SERPINI1: variants seen among roughly 807,000 people sequenced by gnomAD.
The protein encoded by SERPINI1 is neuroserpin.
Under a neutral mutation model 41.1 loss-of-function variants are expected in SERPINI1, and 19 were observed. The ratio of observed to expected loss-of-function variants is 0.46; its 90% confidence interval spans 0.32 to 0.68. The LOEUF is 0.68. Among genes scored for constraint, SERPINI1 ranks in the 30% least tolerant of loss-of-function variants. SERPINI1 has a pLI of 0.03. For missense variants in SERPINI1, 460 were observed against 479.2 expected, an observed-to-expected ratio of 0.96 and a Z score of 0.37; for synonymous variants, 138 against 156.6, an observed-to-expected ratio of 0.88 and a Z score of 0.89.
At chr3:167,749,650 C>A (rs1577398704) in intron 1 of SERPINI1, among the ~76,000 whole-genome samples, 1 of 152,280 alleles carries the variant, frequency 6.6e-6, no homozygotes, top group South Asian at 2.1e-4. Flanking sequence ...TCCACTGTAA[C>A]ACACCTTAGA....
At chr3:167,818,732 G>A (rs9882693) in intron 6 of SERPINI1, among the ~76,000 whole-genome samples, 46,117 of 151,972 alleles carry the variant, frequency 0.3, 8,888 homozygotes, top group African/African-American at 0.55. Context: ...GGGCAAGTGC[G>A]AACAGGCAAT....
At chr3:167,816,030 T>C (rs914615868) in intron 6 of SERPINI1, among the ~76,000 whole-genome samples, 8 of 152,182 alleles carry the variant, frequency 5.3e-5, no homozygotes, top group African/African-American at 1.9e-4. Context: ...TTTTATTTAT[T>C]ACAAGAATAA....
intron 1 of SERPINI1, among the ~76,000 whole-genome samples, chr3:167,744,592 A>T (rs1725786194): frequency 1.4e-5 from 2 of 142,806 alleles, no homozygotes; most frequent in East Asian, 3.9e-4. Flanking sequence ...TATTTTAACT[A>T]TATTGTTATT....
chr3:167,817,001 G>T (rs921419980), intron 6 of SERPINI1, among the ~76,000 whole-genome samples: 2 of 152,016 alleles, frequency 1.3e-5, no homozygotes, highest in Non-Finnish European at 2.9e-5. Context: ...TACTGAGCAG[G>T]TATGGAGGTT....
chr3:167,821,327 C>T (rs572483169), intron 6 of SERPINI1, among the ~76,000 whole-genome samples: 3 of 152,282 alleles, frequency 2.0e-5, no homozygotes, highest in African/African-American at 4.8e-5. Context: ...TAGTAGCTCC[C>T]GAGCCAGGGC....
chr3:167,816,417 G>C (rs1462505768), intron 6 of SERPINI1, among the ~76,000 whole-genome samples: 2 of 152,160 alleles, frequency 1.3e-5, no homozygotes, highest in Non-Finnish European at 2.9e-5. Flanking sequence ...AGATGACACT[G>C]AAAGACTTTA....
chr3:167,824,989 G>A (rs1712465848), intron 8 of SERPINI1, among the ~76,000 whole-genome samples: 1 of 151,988 alleles, frequency 6.6e-6, no homozygotes, highest in Non-Finnish European at 1.5e-5. Flanking sequence ...CACAGTTACA[G>A]TAAGCTCTGA....
At chr3:167,784,608 A>C (rs13095746) in intron 1 of SERPINI1, among the ~76,000 whole-genome samples, 19,200 of 152,162 alleles carry the variant, frequency 0.13, 1,455 homozygotes, top group African/African-American at 0.21. Context: ...GAAGCAGGCA[A>C]CTTCTTCACA....
chr3:167,760,348 A>AATATATATATATAT (rs35053492), intron 1 of SERPINI1, among the ~76,000 whole-genome samples: 27 of 147,514 alleles, frequency 1.8e-4, no homozygotes, highest in African/African-American at 6.5e-4. Context: ...ACTAATTTCA[A>AATATATATATATAT]ATATATATAT....
intron 1 of SERPINI1, among the ~76,000 whole-genome samples, chr3:167,740,383 A>G (rs1341106818): frequency 6.6e-6 from 1 of 152,186 alleles, no homozygotes. Context: ...AACTTAGTTC[A>G]TACTATCTTT....
At chr3:167,751,432 A>G (rs1055828999) in intron 1 of SERPINI1, among the ~76,000 whole-genome samples, 2 of 152,232 alleles carry the variant, frequency 1.3e-5, no homozygotes, top group African/African-American at 2.4e-5. Flanking sequence ...CTGTATCAGA[A>G]TAGTTTTTCA....
chr3:167,772,217 A>G (rs891462943), intron 1 of SERPINI1, among the ~76,000 whole-genome samples: 4 of 152,194 alleles, frequency 2.6e-5, no homozygotes, highest in Non-Finnish European at 5.9e-5. Context: ...CTATGAATGA[A>G]TGATCCTTGG....
chr3:167,772,598 G>A (rs1344946339), intron 1 of SERPINI1, among the ~76,000 whole-genome samples: 1 of 151,808 alleles, frequency 6.6e-6, no homozygotes, highest in Non-Finnish European at 1.5e-5. Context: ...CTAATTGTCT[G>A]TATTTTTAAA....
intron 1 of SERPINI1, among the ~76,000 whole-genome samples, chr3:167,765,932 C>G (rs1726553582): frequency 6.6e-6 from 1 of 152,100 alleles, no homozygotes; most frequent in African/African-American, 2.4e-5. Context: ...TCCCAATAAG[C>G]TCATCTCCAT....
intron 1 of SERPINI1, among the ~76,000 whole-genome samples, chr3:167,754,565 C>G (rs909295276): frequency 6.6e-6 from 1 of 152,258 alleles, no homozygotes; most frequent in African/African-American, 2.4e-5. Flanking sequence ...ATGACTTGGC[C>G]ATAAGGAAAT....
intron 1 of SERPINI1, among the ~76,000 whole-genome samples, chr3:167,770,674 A>C (rs1726719334): frequency 6.6e-6 from 1 of 152,174 alleles, no homozygotes; most frequent in South Asian, 2.1e-4. Context: ...ATAAGGTATC[A>C]ATTTCCACTT....
chr3:167,761,771 A>G (rs1013170712), intron 1 of SERPINI1, among the ~76,000 whole-genome samples: 4 of 152,220 alleles, frequency 2.6e-5, no homozygotes, highest in African/African-American at 7.2e-5. Flanking sequence ...CAAATTTCTC[A>G]GTGACATTCA....
intron 1 of SERPINI1, among the ~76,000 whole-genome samples, chr3:167,781,293 T>C (rs1398620680): frequency 6.6e-6 from 1 of 152,150 alleles, no homozygotes; most frequent in East Asian, 1.9e-4. Context: ...GATAAAGTTT[T>C]CACCAGTCTG....
chr3:167,807,492 C>T, intron 6 of SERPINI1, 151 bp downstream of exon 6: 5 of 617,730 alleles, frequency 8.1e-6, no homozygotes, highest in Non-Finnish European at 1.1e-5. Flanking sequence ...TTAACCTCTA[C>T]AAGCAAAACT....
Sources: gnomAD v4.1 joint callset for allele counts (sites outside exome capture counted in the v4.1 genomes callset) on GRCh38, gnomAD v4.1.1 for gene constraint, MANE v1.5 for transcripts, NCBI Gene and HGNC (gene_info 2026-07-23, HGNC 2026-07-21) for gene names.